NRG3: variants seen among roughly 807,000 people sequenced by gnomAD.
NRG3 encodes pro-neuregulin-3, membrane-bound isoform.
In NRG3, 31 loss-of-function variants were observed where a neutral mutation model predicts 66.9. The ratio of observed to expected loss-of-function variants is 0.46; its 90% CI spans 0.35 to 0.63. The LOEUF (loss-of-function observed/expected upper bound fraction) is 0.63, where lower values mean the gene tolerates loss of function less well. NRG3 is among the 20% of genes least tolerant of loss of function. The probability of loss-of-function intolerance (pLI) is 0.00; values close to 1 mark genes in which losing one functional copy is unlikely to be tolerated. For missense variants in NRG3, 910 were observed against 878.9 expected (o/e 1.04, Z -0.45); for synonymous variants, 393 against 359.4 (o/e 1.09, Z -1.06).
chr10:82,524,547 T>C (rs594180), intron 2 of NRG3, among the ~76,000 whole-genome samples: 78,006 of 151,634 alleles, frequency 0.51, 24,128 homozygotes, highest in African/African-American at 0.87. Flanking sequence ...GAGACTTAAC[T>C]CATAATTTTT....
chr10:81,970,470 C>A (rs1304188612), intron 1 of NRG3, among the ~76,000 whole-genome samples: 1 of 152,144 alleles, frequency 6.6e-6, no homozygotes, highest in Non-Finnish European at 1.5e-5. Flanking sequence ...TGTAATTTTA[C>A]AATGGCAAAA....
intron 2 of NRG3, among the ~76,000 whole-genome samples, chr10:82,460,150 T>C (rs552188840): frequency 6.6e-6 from 1 of 152,200 alleles, no homozygotes; most frequent in Non-Finnish European, 1.5e-5. Context: ...TTTTCTTATG[T>C]GTAAAACAGG....
At chr10:82,133,729 CA>C (rs2069111883) in intron 1 of NRG3, among the ~76,000 whole-genome samples, 1 of 152,034 alleles carries the variant, frequency 6.6e-6, no homozygotes, top group Non-Finnish European at 1.5e-5. Flanking sequence ...CATTCACATG[CA>C]TGTGTATTTA....
intron 4 of NRG3, among the ~76,000 whole-genome samples, chr10:82,921,839 G>A (rs1290336409): frequency 6.6e-6 from 1 of 152,116 alleles, no homozygotes; most frequent in Non-Finnish European, 1.5e-5. Flanking sequence ...TGGTTTTGTT[G>A]AGGCAAAAGT....
intron 2 of NRG3, among the ~76,000 whole-genome samples, chr10:82,534,583 C>A (rs1266373358): frequency 1.3e-5 from 2 of 151,896 alleles, no homozygotes; most frequent in Non-Finnish European, 2.9e-5. Context: ...TTTTAAAATG[C>A]ATATGGAATC....
intron 3 of NRG3, among the ~76,000 whole-genome samples, chr10:82,847,465 T>G (rs1026884909): frequency 1.3e-5 from 2 of 152,204 alleles, no homozygotes; most frequent in African/African-American, 4.8e-5. Flanking sequence ...GATGAGGAAC[T>G]GAAACATAGA....
intron 4 of NRG3, among the ~76,000 whole-genome samples, chr10:82,938,777 G>A (rs184872521): frequency 2.6e-5 from 4 of 152,150 alleles, no homozygotes; most frequent in South Asian, 2.1e-4. Context: ...CCCTTAAACC[G>A]CTGGGTCAGA....
chr10:82,279,709 A>G (rs1325137856), intron 1 of NRG3, among the ~76,000 whole-genome samples: 1 of 152,200 alleles, frequency 6.6e-6, no homozygotes, highest in Non-Finnish European at 1.5e-5. Flanking sequence ...GCATACCTCA[A>G]ACAAATATGT....
At chr10:82,916,558 C>T (rs1463708418) in intron 4 of NRG3, among the ~76,000 whole-genome samples, 1 of 152,150 alleles carries the variant, frequency 6.6e-6, no homozygotes, top group Admixed American at 6.5e-5. Flanking sequence ...TGAGATTCTC[C>T]TCTATTCAGA....
intron 1 of NRG3, among the ~76,000 whole-genome samples, chr10:82,228,317 T>G (rs2076268590): frequency 6.6e-6 from 1 of 152,136 alleles, no homozygotes; most frequent in Non-Finnish European, 1.5e-5. Flanking sequence ...TAAATGTGAG[T>G]CACAGATTAA....
chr10:82,425,660 G>T (rs575452511), intron 2 of NRG3, among the ~76,000 whole-genome samples: 2 of 152,042 alleles, frequency 1.3e-5, no homozygotes, highest in African/African-American at 4.8e-5. Flanking sequence ...AGCCACACAC[G>T]GTGTATTGGA....
chr10:82,422,203 C>T (rs1212489884), intron 2 of NRG3, among the ~76,000 whole-genome samples: 1 of 151,908 alleles, frequency 6.6e-6, no homozygotes, highest in Non-Finnish European at 1.5e-5. Flanking sequence ...AGAAATCAGA[C>T]ATAAGCTCAG....
chr10:82,448,268 A>G (rs1003157412), intron 2 of NRG3, among the ~76,000 whole-genome samples: 5 of 152,224 alleles, frequency 3.3e-5, no homozygotes, highest in Admixed American at 1.3e-4. Context: ...TATTTTGCCT[A>G]TGGCAGCCCC....
chr10:82,754,449 G>T, intron 3 of NRG3, among the ~76,000 whole-genome samples: 1 of 151,298 alleles, frequency 6.6e-6, no homozygotes. Context: ...ACACTTAAAG[G>T]TAGCTATGAT....
intron 2 of NRG3, among the ~76,000 whole-genome samples, chr10:82,438,405 C>T (rs2090255179): frequency 6.6e-6 from 1 of 152,228 alleles, no homozygotes; most frequent in Non-Finnish European, 1.5e-5. Context: ...CTGGCTCCAG[C>T]AGGTGAAAAG....
chr10:82,309,536 C>G (rs2080917870), intron 1 of NRG3, among the ~76,000 whole-genome samples: 1 of 152,000 alleles, frequency 6.6e-6, no homozygotes, highest in African/African-American at 2.4e-5. Context: ...TTCTGATGGT[C>G]TGTAGGGTCT....
At chr10:82,294,641 T>A (rs1264525996) in intron 1 of NRG3, among the ~76,000 whole-genome samples, 2 of 152,218 alleles carry the variant, frequency 1.3e-5, no homozygotes, top group Admixed American at 6.5e-5. Flanking sequence ...CAGCGTTATA[T>A]GCCTGCTTGG....
At chr10:82,918,365 A>C (rs544824087) in intron 4 of NRG3, among the ~76,000 whole-genome samples, 1 of 152,148 alleles carries the variant, frequency 6.6e-6, no homozygotes, top group Admixed American at 6.6e-5. Flanking sequence ...AGGTATTTTC[A>C]TCTTTCTCAG....
intron 4 of NRG3, among the ~76,000 whole-genome samples, chr10:82,894,811 G>A (rs1843491529): frequency 6.6e-6 from 1 of 152,034 alleles, no homozygotes. Context: ...CATGTGCCAT[G>A]GTGGTTTGCT....
Sources: gnomAD v4.1 joint callset for allele counts (sites outside exome capture counted in the v4.1 genomes callset) on GRCh38, gnomAD v4.1.1 for gene constraint, MANE v1.5 for transcripts, NCBI Gene and HGNC (gene_info 2026-07-23, HGNC 2026-07-21) for gene names.